The following SORCS2 variants were observed in gnomAD, a reference collection of about 807,000 sequenced individuals.
The protein encoded by SORCS2 is VPS10 domain-containing receptor SorCS2.
A neutral mutation model predicts 141.6 loss-of-function variants in SORCS2; 100 were observed. The observed-to-expected ratio is 0.71, with a 90% CI of 0.60 to 0.83. The LOEUF (loss-of-function observed/expected upper bound fraction) is 0.83, where lower values mean the gene tolerates loss of function less well. Ranked by LOEUF, SORCS2 falls within the 40% of genes least tolerant of loss-of-function variation. The pLI, the probability that SORCS2 is intolerant of heterozygous loss-of-function variation, is 0.00. For missense variants in SORCS2, 1,646 were observed against 1,560.2 expected, an observed-to-expected ratio of 1.05 and a Z score of -0.93; for synonymous variants, 789 against 676.9, an observed-to-expected ratio of 1.17 and a Z score of -2.57.
intron 12 of SORCS2, 41 bp downstream of exon 12, chr4:7,697,315 C>T (rs74567113): frequency 0.035 from 52,667 of 1,504,676 alleles, 1,080 homozygotes; most frequent in Non-Finnish European, 0.04. Flanking sequence ...CCACCCCATC[C>T]AGCCGGGACC....
chr4:7,539,679 G>GGCCCCCGTT, intron 3 of SORCS2, among the ~76,000 whole-genome samples: 1 of 150,912 alleles, frequency 6.6e-6, no homozygotes, highest in Non-Finnish European at 1.5e-5. Context: ...GCAAGGCCCC[G>GGCCCCCGTT]ACCCCCGTTA....
chr4:7,244,403 G>A (rs541891164), intron 1 of SORCS2, among the ~76,000 whole-genome samples: 80 of 152,376 alleles, frequency 5.3e-4, no homozygotes, highest in Non-Finnish European at 1.1e-3. Context: ...GGTGGAACGC[G>A]GCGCTGCTCC....
At chr4:7,405,626 G>T (rs1252024405) in intron 2 of SORCS2, among the ~76,000 whole-genome samples, 2 of 151,950 alleles carry the variant, frequency 1.3e-5, no homozygotes, top group African/African-American at 4.8e-5. Flanking sequence ...TTGCCTTCTT[G>T]ATTTCATTCT....
At chr4:7,314,728 T>G (rs1030919219) in intron 1 of SORCS2, among the ~76,000 whole-genome samples, 2 of 151,510 alleles carry the variant, frequency 1.3e-5, no homozygotes, top group African/African-American at 4.9e-5. Flanking sequence ...GTCTTGTCAC[T>G]TGGCTTTGCT....
chr4:7,335,306 G>GA (rs1275457815), intron 1 of SORCS2, among the ~76,000 whole-genome samples: 1 of 152,194 alleles, frequency 6.6e-6, no homozygotes, highest in South Asian at 2.1e-4. Flanking sequence ...TGGGAAATCA[G>GA]AAAAAAGAGA....
chr4:7,472,411 GA>G, intron 2 of SORCS2, among the ~76,000 whole-genome samples: 1 of 152,330 alleles, frequency 6.6e-6, no homozygotes, highest in East Asian at 1.9e-4. Flanking sequence ...GCCTCAGGGG[GA>G]TGAGGGGATG....
intron 2 of SORCS2, among the ~76,000 whole-genome samples, chr4:7,456,342 T>G (rs2109310670): frequency 6.6e-6 from 1 of 152,324 alleles, no homozygotes; most frequent in East Asian, 1.9e-4. Flanking sequence ...ATTATGCGAA[T>G]GAGGCATTTC....
At chr4:7,348,096 GTTAA>G (rs60966126) in intron 1 of SORCS2, among the ~76,000 whole-genome samples, 34,484 of 152,036 alleles carry the variant, frequency 0.23, 4,059 homozygotes, top group East Asian at 0.32. Context: ...TAAAGATAGA[GTTAA>G]TTAAGAGAGT....
intron 1 of SORCS2, among the ~76,000 whole-genome samples, chr4:7,336,766 T>A (rs146451502): frequency 2.6e-5 from 4 of 151,052 alleles, no homozygotes; most frequent in African/African-American, 9.9e-5. Flanking sequence ...ACGCAATCCC[T>A]GAGCAGCTTG....
intron 2 of SORCS2, among the ~76,000 whole-genome samples, chr4:7,427,286 T>A (rs957727351): frequency 2.6e-5 from 4 of 152,126 alleles, no homozygotes; most frequent in African/African-American, 9.7e-5. Flanking sequence ...CATGGCTGTT[T>A]TTATCCCATC....
At chr4:7,480,706 C>G (rs1297949334) in intron 2 of SORCS2, among the ~76,000 whole-genome samples, 1 of 152,208 alleles carries the variant, frequency 6.6e-6, no homozygotes, top group Admixed American at 6.5e-5. Flanking sequence ...GGTTGTGAGT[C>G]CACCTGGAGT....
intron 3 of SORCS2, among the ~76,000 whole-genome samples, chr4:7,614,428 A>G (rs1718621713): frequency 6.7e-6 from 1 of 149,492 alleles, no homozygotes; most frequent in Admixed American, 6.6e-5. Context: ...CCACCTATTT[A>G]CCATCCATTC....
At chr4:7,321,667 G>T (rs551229018) in intron 1 of SORCS2, among the ~76,000 whole-genome samples, 1 of 152,342 alleles carries the variant, frequency 6.6e-6, no homozygotes, top group East Asian at 1.9e-4. Context: ...GTGGGCTCCA[G>T]GCCTAAAGAG....
chr4:7,629,779 G>T (rs989051053), intron 3 of SORCS2, among the ~76,000 whole-genome samples: 1 of 151,704 alleles, frequency 6.6e-6, no homozygotes, highest in Admixed American at 6.6e-5. Flanking sequence ...CCTCTACTTG[G>T]GTGTACCTCA....
intron 2 of SORCS2, among the ~76,000 whole-genome samples, chr4:7,413,481 C>T (rs1051602337): frequency 6.8e-6 from 1 of 146,228 alleles, no homozygotes; most frequent in Non-Finnish European, 1.5e-5. Context: ...GCAACCTCCA[C>T]CTCCTGGGTT....
At chr4:7,601,653 T>G (rs994461396) in intron 3 of SORCS2, among the ~76,000 whole-genome samples, 45 of 112,950 alleles carry the variant, frequency 4.0e-4, no homozygotes, top group African/African-American at 1.3e-3. Flanking sequence ...TTAACATAGC[T>G]TTGTTTTTTG....
chr4:7,247,718 C>T (rs149365751), intron 1 of SORCS2, among the ~76,000 whole-genome samples: 97 of 152,250 alleles, frequency 6.4e-4, no homozygotes, highest in Non-Finnish European at 1.1e-3. Flanking sequence ...GGGGACCTGG[C>T]GACCCTGGCG....
At chr4:7,581,002 A>G (rs1283866126) in intron 3 of SORCS2, among the ~76,000 whole-genome samples, 1 of 152,208 alleles carries the variant, frequency 6.6e-6, no homozygotes, top group Non-Finnish European at 1.5e-5. Flanking sequence ...CAATCTTATA[A>G]GGAAGACATG....
At chr4:7,715,087 G>C in intron 16 of SORCS2, 96 bp from the exon 17 acceptor site, 1 of 1,540,120 alleles carries the variant, frequency 6.5e-7, no homozygotes, top group Non-Finnish European at 8.9e-7. Context: ...TTGACATGAG[G>C]TTCCCTTCTC....
Sources: allele counts gnomAD v4.1 joint callset (sites outside exome capture counted in the v4.1 genomes callset), GRCh38; gene constraint gnomAD v4.1.1; transcripts MANE v1.5; gene names NCBI Gene and HGNC (gene_info 2026-07-23, HGNC 2026-07-21).